Variants in SV2C observed in about 807,000 individuals in gnomAD.
SV2C encodes solute carrier family 22 member B3.
A neutral mutation model predicts 79.7 loss-of-function variants in SV2C; 49 were observed. That is an observed-to-expected ratio of 0.61 (90% confidence interval 0.49 to 0.78). The LOEUF (loss-of-function observed/expected upper bound fraction) is 0.78. Among genes scored for constraint, SV2C ranks in the 30% least tolerant of loss-of-function variants. The pLI is 0.00. For missense variants in SV2C, 833 were observed against 912.9 expected (o/e 0.91, Z 1.13); for synonymous variants, 334 against 333.2 (o/e 1.00, Z -0.03).
chr5:76,339,411 T>G (rs1749394003), intron 12 of SV2C, among the ~76,000 whole-genome samples: 1 of 151,568 alleles, frequency 6.6e-6, no homozygotes, highest in South Asian at 2.1e-4. Flanking sequence ...AGTTGTTTGG[T>G]TTTTTTTAAG....
intron 4 of SV2C, among the ~76,000 whole-genome samples, chr5:76,252,259 A>G (rs1746137477): frequency 6.6e-6 from 1 of 152,144 alleles, no homozygotes; most frequent in African/African-American, 2.4e-5. Context: ...AGCTGGGACT[A>G]CAGGCTCCCA....
the SV2C span, among the ~76,000 whole-genome samples, chr5:76,054,526 G>A: frequency 6.6e-6 from 1 of 152,176 alleles, no homozygotes; most frequent in East Asian, 1.9e-4. Flanking sequence ...GGATTGCTGA[G>A]TCAAACAGTA....
the SV2C span, among the ~76,000 whole-genome samples, chr5:76,068,839 A>G: frequency 1.3e-5 from 2 of 152,128 alleles, no homozygotes; most frequent in Admixed American, 1.3e-4. Flanking sequence ...ACCTTAAAGG[A>G]TACACAGCCC....
chr5:76,136,205 CT>C (rs1749064697), intron 2 of SV2C, among the ~76,000 whole-genome samples: 1 of 152,216 alleles, frequency 6.6e-6, no homozygotes, highest in Non-Finnish European at 1.5e-5. Context: ...TCCTGTGCTT[CT>C]TTTATCCTTT....
At chr5:76,202,597 A>G (rs1744485933) in intron 3 of SV2C, among the ~76,000 whole-genome samples, 1 of 152,234 alleles carries the variant, frequency 6.6e-6, no homozygotes, top group South Asian at 2.1e-4. Context: ...CTGGCCCCAG[A>G]GCATCAGAAG....
the SV2C span, among the ~76,000 whole-genome samples, chr5:75,920,192 A>G: frequency 1.3e-5 from 2 of 152,356 alleles, no homozygotes; most frequent in Admixed American, 1.3e-4. Flanking sequence ...GTGAAGTTAT[A>G]CAGGTGGAGA....
At chr5:76,285,707 A>C in intron 5 of SV2C, 74 bp from the exon 6 acceptor site, 1 of 1,268,572 alleles carries the variant, frequency 7.9e-7, no homozygotes, top group Non-Finnish European at 1.1e-6. Flanking sequence ...CTGACAATGC[A>C]AGACGGCTAT....
chr5:75,873,091 A>G, the SV2C span, among the ~76,000 whole-genome samples: 1 of 152,146 alleles, frequency 6.6e-6, no homozygotes, highest in Non-Finnish European at 1.5e-5. Context: ...TGTACATCAA[A>G]ATCATTATGT....
At chr5:76,118,419 G>A (rs1367310389) in intron 1 of SV2C, among the ~76,000 whole-genome samples, 1 of 152,114 alleles carries the variant, frequency 6.6e-6, no homozygotes, top group Non-Finnish European at 1.5e-5. Flanking sequence ...GGAGGTTAGG[G>A]TATCCTTCTG....
At chr5:75,944,196 C>A in the SV2C span, among the ~76,000 whole-genome samples, 3 of 152,058 alleles carry the variant, frequency 2.0e-5, no homozygotes, top group Admixed American at 1.3e-4. Flanking sequence ...AGAACCAATT[C>A]TATGATGTTG....
At chr5:76,293,330 TA>T (rs763503061) in intron 8 of SV2C, among the ~76,000 whole-genome samples, 9 of 152,188 alleles carry the variant, frequency 5.9e-5, no homozygotes, top group Non-Finnish European at 1.3e-4. Flanking sequence ...TGTCAAGGTG[TA>T]AAGAGTAATC....
chr5:75,897,921 A>G, the SV2C span, among the ~76,000 whole-genome samples: 1 of 151,918 alleles, frequency 6.6e-6, no homozygotes, highest in Non-Finnish European at 1.5e-5. Flanking sequence ...TTGATTTTGT[A>G]TCCTGAGACT....
the SV2C span, among the ~76,000 whole-genome samples, chr5:75,994,969 T>C: frequency 6.6e-6 from 1 of 152,120 alleles, no homozygotes; most frequent in Non-Finnish European, 1.5e-5. Context: ...AGGAGACTAG[T>C]GGAGTAAGTC....
intron 12 of SV2C, among the ~76,000 whole-genome samples, chr5:76,316,975 G>T (rs1057303554): frequency 1.3e-5 from 2 of 152,000 alleles, no homozygotes; most frequent in Non-Finnish European, 2.9e-5. Context: ...TAATTTTGGG[G>T]TCTCTGGAGC....
At chr5:76,265,745 C>A (rs2112464385) in intron 4 of SV2C, among the ~76,000 whole-genome samples, 1 of 152,204 alleles carries the variant, frequency 6.6e-6, no homozygotes, top group African/African-American at 2.4e-5. Flanking sequence ...CTTGCACTCC[C>A]CACTCCCCAG....
At chr5:76,199,024 T>C (rs1022150510) in intron 3 of SV2C, among the ~76,000 whole-genome samples, 14 of 152,194 alleles carry the variant, frequency 9.2e-5, no homozygotes, top group African/African-American at 2.9e-4. Context: ...AATAATAACA[T>C]TGGAATAAGA....
intron 12 of SV2C, among the ~76,000 whole-genome samples, chr5:76,314,494 C>A (rs1051035546): frequency 5.3e-5 from 8 of 152,172 alleles, no homozygotes; most frequent in Non-Finnish European, 2.9e-5. Context: ...CAGGTGCAGT[C>A]ACTGCCAGAA....
At chr5:76,111,061 T>C (rs1748079933) in intron 1 of SV2C, among the ~76,000 whole-genome samples, 1 of 152,210 alleles carries the variant, frequency 6.6e-6, no homozygotes, top group Non-Finnish European at 1.5e-5. Flanking sequence ...AGTATAAATG[T>C]GCAATGCAGA....
intron 1 of SV2C, among the ~76,000 whole-genome samples, chr5:76,085,151 A>G (rs914370284): frequency 2.0e-5 from 3 of 152,154 alleles, no homozygotes; most frequent in Non-Finnish European, 4.4e-5. Flanking sequence ...CTCATTTTCC[A>G]TGGCAAGTTC....
Sources: allele counts gnomAD v4.1 joint callset (sites outside exome capture counted in the v4.1 genomes callset), GRCh38; gene constraint gnomAD v4.1.1; transcripts MANE v1.5; gene names NCBI Gene and HGNC (gene_info 2026-07-23, HGNC 2026-07-21).